COPG1: variants seen among roughly 807,000 people sequenced by gnomAD.
COPG1 encodes the protein coatomer subunit gamma-1.
In COPG1, 29 loss-of-function variants were observed where a neutral mutation model predicts 102.8. The ratio of observed to expected loss-of-function variants is 0.28; its 90% CI spans 0.21 to 0.38. The LOEUF is 0.38. Ranked by LOEUF, COPG1 falls within the 10% of genes least tolerant of loss-of-function variation. The probability of loss-of-function intolerance (pLI) is 1.00; values close to 1 mark genes in which losing one functional copy is unlikely to be tolerated. For synonymous variants in COPG1, 406 were observed against 421.6 expected (o/e 0.96, Z 0.45); for missense variants, 875 against 1,132.7 (o/e 0.77, Z 3.27).
rs1940268204 is a variant in COPG1, at chr3:129,276,234, TA to T, written c.2494+944del. ...GTAGTTTTTGTATTTTCAATGAAGT[TA>T]AGTATCTTCTTAAATGTTGAGGCAT... On this transcript the variant is annotated intron_variant, in intron 23 of 23. Transcript: ENST00000314797. Among the ~76,000 whole-genome samples, 21 of 152,370 alleles carry T rather than the reference TA, an allele frequency of 1.4e-4. No individual in the cohort carries two copies. The South Asian group carries it at 4.1e-3, about 30-fold the overall frequency.
At chr3:129,267,221 GA>G (rs1206351287) in intron 15 of COPG1, 122 bp downstream of exon 15, 11 of 660,460 alleles carry the variant, frequency 1.7e-5, no homozygotes, top group East Asian at 3.0e-5. Flanking sequence ...ACTGATTGTA[GA>G]AAAAAAAGAG....
chr3:129,269,054 G>A, intron 18 of COPG1, 54 bp downstream of exon 18: 1 of 1,486,052 alleles, frequency 6.7e-7, no homozygotes, highest in Non-Finnish European at 9.4e-7. Flanking sequence ...TTCCTCAGGG[G>A]GTTCAAGAGT....
In COPG1 at chr3:129,271,499, C is replaced by G. The variant is rs1940180784; in HGVS notation, c.1844-268C>G. Among the ~76,000 whole-genome samples the G allele has an allele frequency of 6.6e-6, 1 of 152,006 alleles. No homozygotes were observed. The highest frequency in any genetic ancestry group is 2.4e-5 in the African/African-American group (1 of 41,372). The stretch of plus-strand genomic sequence containing the variant: ...CCAATTAGGTCTAGGATTTTGTGGT[C>G]TCATATCAGTTTTTTGCTTCTGAGG... On this transcript the variant is annotated intron_variant, in intron 18 of 23. Coordinates refer to ENST00000314797, the MANE Select transcript of COPG1 (RefSeq NM_016128.4). This position sits in a 1 kb window ranked among gnomAD's most constrained non-coding sequence, Gnocchi z 4.7.
intron 17 of COPG1, 79 bp downstream of exon 17, chr3:129,268,699 C>T: frequency 6.6e-7 from 1 of 1,519,712 alleles, no homozygotes; most frequent in Non-Finnish European, 9.0e-7. Context: ...AAGCCACTAA[C>T]CTAACTAGGG....
chr3:129,269,647 G>A (rs1400348115), intron 18 of COPG1, among the ~76,000 whole-genome samples: 1 of 152,026 alleles, frequency 6.6e-6, no homozygotes, highest in African/African-American at 2.4e-5. Context: ...CTTCCTCACA[G>A]TAGGCTCCCA....
At chr3:129,251,340 A>G (rs547527304) in intron 2 of COPG1, among the ~76,000 whole-genome samples, 15 of 149,762 alleles carry the variant, frequency 1.0e-4, no homozygotes, top group Non-Finnish European at 1.9e-4. Context: ...GAGATTTTGC[A>G]TGACTTGTTT....
intron 23 of COPG1, among the ~76,000 whole-genome samples, 197 bp from the exon 24 acceptor site, chr3:129,277,097 C>T (rs1371700247): frequency 6.6e-6 from 1 of 151,886 alleles, no homozygotes; most frequent in Non-Finnish European, 1.5e-5. Flanking sequence ...GCTGGAATTA[C>T]AAGCGTGAGC....
chr3:129,258,935 G>A (rs1032337569), intron 10 of COPG1, among the ~76,000 whole-genome samples: 2 of 152,144 alleles, frequency 1.3e-5, no homozygotes, highest in African/African-American at 4.8e-5. Flanking sequence ...GAAAAGGAGA[G>A]GTGCTTAGGG....
chr3:129,269,732 A>C (rs1229881118), intron 18 of COPG1, among the ~76,000 whole-genome samples: 1 of 152,062 alleles, frequency 6.6e-6, no homozygotes, highest in Non-Finnish European at 1.5e-5. Flanking sequence ...TATAGCATGG[A>C]TCCTGAGCTA....
At chr3:129,267,760 C>T (rs1940095935) in intron 15 of COPG1, among the ~76,000 whole-genome samples, 177 bp from the exon 16 acceptor site, 5 of 152,142 alleles carry the variant, frequency 3.3e-5, no homozygotes, top group Admixed American at 3.3e-4. Flanking sequence ...TTTCATCACC[C>T]CAAAGGGAAC....
At chr3:129,269,080 T>C in intron 18 of COPG1, 80 bp downstream of exon 18, 7 of 1,257,270 alleles carry the variant, frequency 5.6e-6, no homozygotes, top group Non-Finnish European at 8.2e-6. Flanking sequence ...CTGTCATATA[T>C]TGGTCTCTCC....
At chr3:129,255,139 G>T in intron 7 of COPG1, 62 bp downstream of exon 7, 1 of 1,039,420 alleles carries the variant, frequency 9.6e-7, no homozygotes, top group Non-Finnish European at 1.5e-6. Flanking sequence ...AAATTTAAGA[G>T]TCACATTCCA....
At chr3:129,274,165 T>C (rs1339672795) in intron 21 of COPG1, 1 of 453,216 alleles carries the variant, frequency 2.2e-6, no homozygotes, top group Non-Finnish European at 4.4e-6. Flanking sequence ...CTGGGTCTGT[T>C]TGAGCCCATC....
chr3:129,256,664 GT>G (rs1289277752), intron 8 of COPG1, among the ~76,000 whole-genome samples: 1 of 152,248 alleles, frequency 6.6e-6, no homozygotes, highest in African/African-American at 2.4e-5. Flanking sequence ...GATCATGCAT[GT>G]AACATGTGAC....
At chr3:129,254,017 A>G (rs927196461) in intron 5 of COPG1, among the ~76,000 whole-genome samples, 1 of 145,726 alleles carries the variant, frequency 6.9e-6, no homozygotes, top group Non-Finnish European at 1.5e-5. Context: ...AAAAAAAAAA[A>G]GCCAGGAGTG....
intron 10 of COPG1, among the ~76,000 whole-genome samples, chr3:129,259,880 G>A (rs1262638426): frequency 6.6e-6 from 1 of 152,206 alleles, no homozygotes; most frequent in Non-Finnish European, 1.5e-5. Flanking sequence ...GTAGGAGAGA[G>A]GAGTGGAATA....
At chr3:129,266,392 G>A (rs535344574) in intron 14 of COPG1, among the ~76,000 whole-genome samples, 2 of 152,192 alleles carry the variant, frequency 1.3e-5, no homozygotes, top group South Asian at 2.1e-4. Context: ...GTCTCTGAAA[G>A]TGCTGGGATT....
intron 14 of COPG1, 139 bp from the exon 15 acceptor site, chr3:129,266,885 A>G: frequency 1.4e-6 from 1 of 691,446 alleles, no homozygotes; most frequent in South Asian, 1.6e-5. Context: ...CTCTGTTGGT[A>G]GTGACTTTGG....
intron 12 of COPG1, among the ~76,000 whole-genome samples, chr3:129,263,323 T>C (rs1332655776): frequency 6.6e-6 from 1 of 152,022 alleles, no homozygotes; most frequent in Non-Finnish European, 1.5e-5. Flanking sequence ...TGGAGATGTT[T>C]GTGGTTGCAG....
Sources: gnomAD v4.1 joint callset for allele counts (sites outside exome capture counted in the v4.1 genomes callset) on GRCh38, gnomAD v4.1.1 for gene constraint, Gnocchi (gnomAD v3.1) non-coding constraint, MANE v1.5 for transcripts, NCBI Gene and HGNC (gene_info 2026-07-23, HGNC 2026-07-21) for gene names.